HMOX2: variants seen among roughly 807,000 people sequenced by gnomAD.
HMOX2 encodes heme oxygenase (decycling) 2.
Under a neutral mutation model 33.7 loss-of-function variants are expected in HMOX2, and 30 were observed. The ratio of observed to expected loss-of-function variants is 0.89; its 90% CI spans 0.67 to 1.21. The LOEUF (loss-of-function observed/expected upper bound fraction) is 1.21, where lower values mean the gene tolerates loss of function less well. Among genes scored for constraint, HMOX2 ranks in the 50% most tolerant of loss-of-function variants. The probability of loss-of-function intolerance (pLI) is 0.00; values close to 1 mark genes in which losing one functional copy is unlikely to be tolerated. For missense variants in HMOX2, 403 were observed against 399.1 expected (o/e 1.01, Z -0.08); for synonymous variants, 155 against 155.0 (o/e 1.00, Z 0.00).
At chr16:4,481,444 G>A (rs1764306821) in intron 1 of HMOX2, among the ~76,000 whole-genome samples, 1 of 152,000 alleles carries the variant, frequency 6.6e-6, no homozygotes, top group South Asian at 2.1e-4. Context: ...CTCATAAGTA[G>A]CTGTGATGAT....
chr16:4,477,198 T>C (rs769950803), intron 1 of HMOX2, among the ~76,000 whole-genome samples: 3 of 152,088 alleles, frequency 2.0e-5, no homozygotes, highest in Non-Finnish European at 4.4e-5. Context: ...GCCTGTGTCA[T>C]GCCATTTAAA....
At chr16:4,493,663 T>C (rs1404528022) in intron 1 of HMOX2, among the ~76,000 whole-genome samples, 3 of 152,216 alleles carry the variant, frequency 2.0e-5, no homozygotes, top group Non-Finnish European at 4.4e-5. Context: ...GCTAGGCTCA[T>C]CTTAATTAAC....
chr16:4,492,898 G>T (rs1043594163), intron 1 of HMOX2, among the ~76,000 whole-genome samples: 2 of 152,172 alleles, frequency 1.3e-5, no homozygotes, highest in Non-Finnish European at 2.9e-5. Flanking sequence ...TTAATTGGGT[G>T]TGTTGGCACA....
At chr16:4,509,297 T>C in intron 4 of HMOX2, 115 bp from the exon 5 acceptor site, 1 of 1,357,194 alleles carries the variant, frequency 7.4e-7, no homozygotes, top group Non-Finnish European at 1.0e-6. Context: ...TTAGCCATGT[T>C]CATAACACTG....
At chr16:4,490,657 T>C (rs546506147) in intron 1 of HMOX2, among the ~76,000 whole-genome samples, 19 of 152,340 alleles carry the variant, frequency 1.2e-4, no homozygotes, top group African/African-American at 4.6e-4. Flanking sequence ...ACCCTTTTCA[T>C]TGTCATTTGT....
intron 1 of HMOX2, among the ~76,000 whole-genome samples, chr16:4,477,566 C>T (rs534236670): frequency 7.2e-6 from 1 of 138,340 alleles, no homozygotes; most frequent in East Asian, 2.0e-4. Context: ...GGCTGTCCAT[C>T]CTTACGTACT....
In HMOX2 at chr16:4,508,133, C is replaced by G. The variant is rs1464031580; in HGVS notation, c.625C>G (p.Leu209Val). ...KQLYRARMNA[L>V]DLNMKTKERI... Reference sequence around the variant, plus strand: ...GCTCTACCGGGCCAGGATGAACGCCCTGGACCTGAACATGAAGACCAAAGA... The same window carrying G: ...GCTCTACCGGGCCAGGATGAACGCCGTGGACCTGAACATGAAGACCAAAGA... The change falls in exon 4 of 6, where the codon CTG becomes GTG. Residue 209 changes from leucine (L) to valine (V), a missense_variant. Leu to Val is a conservative substitution (Grantham distance 32). Coordinates refer to ENST00000570646, the MANE Select transcript of HMOX2 (RefSeq NM_002134.4). 1 of 1,614,082 alleles carries G rather than the reference C, an allele frequency of 6.2e-7. No individual in the cohort carries two copies.
chr16:4,509,821 C>G lies in HMOX2; in HGVS notation c.*65C>G. 14 of 1,532,528 alleles carry G rather than the reference C, an allele frequency of 9.1e-6. No homozygotes were observed. Among genetic ancestry groups the G allele is most frequent in the Non-Finnish European group, 1.2e-5 (14 of 1,130,806 alleles). 94.9% of individuals were successfully genotyped at this position (1,532,528 alleles called of 1,614,324 possible). On this transcript the variant is annotated 3_prime_UTR_variant, in exon 6 of 6. Coordinates refer to ENST00000570646, the MANE Select transcript of HMOX2 (RefSeq NM_002134.4). ...ACCACTGGCCTACCCCTTTCTCCAG[C>G]CCTGACTAAACTACCACCTCAGGTG...
intron 2 of HMOX2, among the ~76,000 whole-genome samples, chr16:4,506,238 C>G (rs182173919): frequency 7.0e-4 from 106 of 152,300 alleles, no homozygotes; most frequent in Middle Eastern, 6.8e-3. Context: ...AAGCCCCTGC[C>G]CAAGTACCAC....
chr16:4,486,933 T>G (rs4785969), intron 1 of HMOX2, among the ~76,000 whole-genome samples: 5 of 152,006 alleles, frequency 3.3e-5, no homozygotes, highest in Non-Finnish European at 4.4e-5. Context: ...TATTTCCTTT[T>G]TGTATTGGCC....
intron 1 of HMOX2, among the ~76,000 whole-genome samples, chr16:4,485,838 C>CCT (rs2058154175): frequency 6.6e-6 from 1 of 152,134 alleles, no homozygotes; most frequent in Non-Finnish European, 1.5e-5. Context: ...AATTCTCCTA[C>CCT]CTCTGCCTCC....
intron 1 of HMOX2, among the ~76,000 whole-genome samples, chr16:4,479,726 A>ATTTTT (rs58936845): frequency 3.8e-3 from 304 of 79,854 alleles, no homozygotes; most frequent in Middle Eastern, 7.8e-3. Context: ...TTCTTATTCT[A>ATTTTT]TTTTTTTTTT....
At chr16:4,491,485 ACAAAAAATAC>A (rs1043014889) in intron 1 of HMOX2, among the ~76,000 whole-genome samples, 3 of 151,926 alleles carry the variant, frequency 2.0e-5, no homozygotes, top group Non-Finnish European at 4.4e-5. Flanking sequence ...CCCCATCTCT[ACAAAAAATAC>A]CAAAAAATTA....
Position 4,506,138 on chromosome 16 carries a change from G to A in HMOX2, c.86+528G>A, listed in dbSNP as rs190861554. On this transcript the variant is annotated intron_variant, in intron 2 of 5. Transcript: ENST00000570646. ...TGATTCTCAGCACATGGATGATAAC[G>A]AGCTAATCTCCTAAAGAAGACAGCA... Among the ~76,000 whole-genome samples, 22 of 152,136 alleles carry A rather than the reference G, an allele frequency of 1.4e-4. 1 individual carries two copies. The East Asian group carries it at 2.3e-3, about 16-fold the overall frequency.
rs572772038 is a variant in HMOX2 at position 4,476,439 on chromosome 16, G to C, written c.-90G>C. The stretch of plus-strand genomic sequence containing the variant: ...TGCGGCGCCTGAGGGAGTCGCTGAC[G>C]GGCACGCTGACTGGAGGCTGGCGGA... On this transcript the variant is annotated 5_prime_UTR_variant, in exon 1 of 6. Transcript: ENST00000570646. 2.6e-5 allele frequency: 4 copies of C among 152,264 alleles called. No homozygotes were observed. The highest frequency in any genetic ancestry group is 4.4e-5 in the Non-Finnish European group (3 of 68,060). 9.4% of individuals were successfully genotyped at this position (152,264 alleles called of 1,614,324 possible). A position where few individuals can be genotyped will look rare whatever the true frequency, so the allele number is the denominator to read the frequency against.
intron 1 of HMOX2, among the ~76,000 whole-genome samples, chr16:4,479,044 G>A (rs368050363): frequency 3.3e-5 from 5 of 151,958 alleles, no homozygotes; most frequent in East Asian, 1.9e-4. Flanking sequence ...CCAGCTACTC[G>A]GGAGGCTGAG....
intron 1 of HMOX2, among the ~76,000 whole-genome samples, chr16:4,482,355 A>G (rs567205990): frequency 5.3e-5 from 8 of 152,278 alleles, no homozygotes; most frequent in Middle Eastern, 3.4e-3. Context: ...AAAAAAACCC[A>G]AAGTCTTTTT....
chr16:4,501,649 T>C (rs747462115), intron 1 of HMOX2, among the ~76,000 whole-genome samples: 21 of 152,214 alleles, frequency 1.4e-4, no homozygotes, highest in Non-Finnish European at 2.5e-4. Flanking sequence ...TCTATATTTA[T>C]GATTTGGCCC....
At chr16:4,504,596 G>C (rs2058642277) in intron 1 of HMOX2, among the ~76,000 whole-genome samples, 1 of 151,254 alleles carries the variant, frequency 6.6e-6, no homozygotes, top group African/African-American at 2.4e-5. Flanking sequence ...CTAACCTCAG[G>C]TGATCCACCC....
Sources: allele counts gnomAD v4.1 joint callset (sites outside exome capture counted in the v4.1 genomes callset), GRCh38; gene constraint gnomAD v4.1.1; transcripts MANE v1.5; gene names NCBI Gene and HGNC (gene_info 2026-07-23, HGNC 2026-07-21).